SERPINF1: variants seen among roughly 807,000 people sequenced by gnomAD.
SERPINF1 encodes pigment epithelium-derived factor.
A neutral mutation model predicts 37.3 loss-of-function variants in SERPINF1; 29 were observed. The observed-to-expected ratio is 0.78, with a 90% CI of 0.58 to 1.06. SERPINF1 has a LOEUF of 1.06. SERPINF1 is among the 50% of genes least tolerant of loss of function. The probability of loss-of-function intolerance (pLI) is 0.00; values close to 1 mark genes in which losing one functional copy is unlikely to be tolerated. For synonymous variants in SERPINF1, 281 were observed against 227.9 expected (o/e 1.23, Z -2.10); for missense variants, 553 against 532.2 (o/e 1.04, Z -0.38).
At chr17:1,771,793 C>G in intron 4 of SERPINF1, 79 bp from the exon 5 acceptor site, 1 of 1,438,442 alleles carries the variant, frequency 7.0e-7, no homozygotes, top group Non-Finnish European at 9.6e-7. Flanking sequence ...TAAACCAGAA[C>G]CCGAGCCTGG....
At chr17:1,777,144 G>GGGAAGGCA (rs1908087226) in intron 7 of SERPINF1, 43 bp from the exon 8 acceptor site, 2 of 1,613,728 alleles carry the variant, frequency 1.2e-6, no homozygotes, top group African/African-American at 2.7e-5. Context: ...TGGGGTGTTG[G>GGGAAGGCA]GGAAGGCAGG....
intron 1 of SERPINF1, 174 bp from the exon 2 acceptor site, chr17:1,766,729 G>C (rs900216936): frequency 1.6e-6 from 1 of 618,774 alleles, no homozygotes; most frequent in Admixed American, 2.6e-5. Flanking sequence ...GGGCCATCAA[G>C]CTGAGGGTCC....
chr17:1,772,356 T>C (rs1907801416), intron 5 of SERPINF1, among the ~76,000 whole-genome samples: 1 of 152,052 alleles, frequency 6.6e-6, no homozygotes. Context: ...GCTCAGGTGG[T>C]CTGCCCGCCT....
intron 1 of SERPINF1, among the ~76,000 whole-genome samples, chr17:1,764,430 G>T (rs12603486): frequency 6.6e-6 from 1 of 152,092 alleles, no homozygotes; most frequent in African/African-American, 2.4e-5. Flanking sequence ...TCTGTCTTGC[G>T]CTGCAGAAAG....
chr17:1,768,359 A>G (rs1907512542), intron 2 of SERPINF1, among the ~76,000 whole-genome samples: 1 of 139,704 alleles, frequency 7.2e-6, no homozygotes, highest in Non-Finnish European at 1.5e-5. Flanking sequence ...TGAACCCGGG[A>G]GGTGGAGGTT....
chr17:1,763,521 C>T (rs866315524), intron 1 of SERPINF1, among the ~76,000 whole-genome samples: 62 of 152,334 alleles, frequency 4.1e-4, no homozygotes, highest in African/African-American at 1.4e-3. Context: ...CAGCGGTCGC[C>T]TGCTCAGCCC....
Position 1,777,552 on chromosome 17 carries a change from A to G in SERPINF1, c.*106A>G. The G allele has an allele frequency of 7.2e-7, 1 of 1,384,314 alleles. No homozygotes were observed. The highest frequency in any genetic ancestry group is 1.0e-6 in the Non-Finnish European group (1 of 982,206). 85.8% of individuals were successfully genotyped at this position (1,384,314 alleles called of 1,614,324 possible). On this transcript the variant is annotated 3_prime_UTR_variant, in exon 8 of 8. Transcript: ENST00000254722. ...AAGGTTTCAATGCATACAATAAAAGAGCTTTATCCCTAACTTCTGTTACTT... is the reference window on the plus strand; with the variant it reads ...AAGGTTTCAATGCATACAATAAAAGGGCTTTATCCCTAACTTCTGTTACTT...
chr17:1,775,547 C>CTTTTTT (rs148801713), intron 6 of SERPINF1, among the ~76,000 whole-genome samples: 5 of 142,964 alleles, frequency 3.5e-5, no homozygotes, highest in African/African-American at 1.3e-4. Context: ...TCGTTGGCAT[C>CTTTTTT]TTTTTTTTTT....
chr17:1,773,428 T>A (rs1451974923), intron 5 of SERPINF1, among the ~76,000 whole-genome samples: 1 of 152,064 alleles, frequency 6.6e-6, no homozygotes, highest in Non-Finnish European at 1.5e-5. Flanking sequence ...GTATTTTCAG[T>A]AGAGATGGGG....
intron 1 of SERPINF1, among the ~76,000 whole-genome samples, chr17:1,763,595 G>T (rs1050699303): frequency 5.9e-5 from 9 of 152,228 alleles, no homozygotes; most frequent in Admixed American, 5.9e-4. Flanking sequence ...AGACCCCCAC[G>T]CTTGCCCTCT....
chr17:1,769,225 C>T (rs932121893), intron 2 of SERPINF1, among the ~76,000 whole-genome samples: 2 of 150,842 alleles, frequency 1.3e-5, no homozygotes, highest in Admixed American at 6.6e-5. Flanking sequence ...CTGCCTAACA[C>T]GGTGAAACCC....
At chr17:1,773,615 C>T (rs1894286) in intron 5 of SERPINF1, among the ~76,000 whole-genome samples, 16,003 of 152,232 alleles carry the variant, frequency 0.11, 1,387 homozygotes, top group African/African-American at 0.23. Flanking sequence ...ATTTCATAAC[C>T]TTTCTGGGCC....
chr17:1,775,263 G>T lies in SERPINF1; in HGVS notation c.786+63G>T. Reference sequence around the variant, plus strand: ...GGGAGAGGATAGAGAAGCAAAACAGGGTAGTGGGAATAAAATGACCTTTGA... The same window carrying T: ...GGGAGAGGATAGAGAAGCAAAACAGTGTAGTGGGAATAAAATGACCTTTGA... On this transcript the variant is annotated intron_variant, in intron 6 of 7. Transcript: ENST00000254722. 4 of 1,536,346 alleles carry T rather than the reference G, an allele frequency of 2.6e-6. No homozygotes were observed. The East Asian group carries it at 9.1e-5, about 35-fold the overall frequency.
Position 1,771,123 on chromosome 17 carries a change from T to C in SERPINF1, c.378T>C (p.Leu126=). ...TCCATGGTACCTATAAGGAGCTCCT[T>C]GACACGGTCACTGCCCCCCAGAAGA... ...PDIHGTYKEL[L]DTVTAPQKNL... The change falls in exon 4 of 8, where the codon CTT becomes CTC. Residue 126 remains leucine (L), a synonymous_variant. Transcript: ENST00000254722. 6.2e-7 allele frequency: 1 copy of C among 1,614,064 alleles called. No homozygotes were observed. Among genetic ancestry groups the C allele is most frequent in the Non-Finnish European group, 8.5e-7 (1 of 1,179,992 alleles).
In SERPINF1 at chr17:1,771,945, C is replaced by A. The variant is rs751406971; in HGVS notation, c.513C>A (p.Gly171=). 2 of 1,614,020 alleles carry A rather than the reference C, an allele frequency of 1.2e-6. No individual in the cohort carries two copies. The highest frequency in any genetic ancestry group is 1.7e-6 in the Non-Finnish European group (2 of 1,180,010). ...GGACCAGGCCCAGAGTCCTGACGGGCAACCCTCGCTTGGACCTGCAAGAGA... is the reference window on the plus strand; with the variant it reads ...GGACCAGGCCCAGAGTCCTGACGGGAAACCCTCGCTTGGACCTGCAAGAGA... ...SYGTRPRVLT[G]NPRLDLQEIN... is the part of the protein sequence containing the mutation. Residue 171 remains glycine, a synonymous_variant, in exon 5 of 8, where the codon GGC becomes GGA. Transcript: ENST00000254722.
chr17:1,777,509 C>A lies in SERPINF1; in HGVS notation c.*63C>A. 2 of 1,603,854 alleles carry A rather than the reference C, an allele frequency of 1.2e-6. No homozygotes were observed. Among genetic ancestry groups the A allele is most frequent in the Non-Finnish European group, 1.7e-6 (2 of 1,171,942 alleles). ...CCGAGGGACAGCAGATTCCACAGGA[C>A]ACGAAGGCTGCCCCTGTAAGGTTTC... is the stretch of plus-strand genomic sequence containing the variant. On this transcript the variant is annotated 3_prime_UTR_variant, in exon 8 of 8. Coordinates refer to ENST00000254722, the MANE Select transcript of SERPINF1 (RefSeq NM_002615.7).
Position 1,777,475 on chromosome 17 carries a change from G to T in SERPINF1, c.*29G>T. 6.8e-6 allele frequency: 11 copies of T among 1,613,764 alleles called. No individual in the cohort carries two copies. The highest frequency in any genetic ancestry group is 9.3e-6 in the Non-Finnish European group (11 of 1,180,022). On this transcript the variant is annotated 3_prime_UTR_variant, in exon 8 of 8. Transcript: ENST00000254722. ...CCCAGTTTAATATTCCAATACCCTA[G>T]AAGAAAACCCGAGGGACAGCAGATT...
At chr17:1,765,858 T>C (rs1907337655) in intron 1 of SERPINF1, among the ~76,000 whole-genome samples, 1 of 124,232 alleles carries the variant, frequency 8.0e-6, no homozygotes, top group Non-Finnish European at 1.6e-5. Flanking sequence ...CACAGCAAGA[T>C]CTTGTCTCCC....
Position 1,767,093 on chromosome 17 carries a change from C to T in SERPINF1, c.84+99C>T, listed in dbSNP as rs1430730989. ...AGGGAACCCGGACCCAGGTTCCAGGCCAGGCTTGGGCCTTTATTTCTCTAG... is the reference window on the plus strand; with the variant it reads ...AGGGAACCCGGACCCAGGTTCCAGGTCAGGCTTGGGCCTTTATTTCTCTAG... On this transcript the variant is annotated intron_variant, in intron 2 of 7. Coordinates refer to ENST00000254722, the MANE Select transcript of SERPINF1 (RefSeq NM_002615.7). The T allele has an allele frequency of 4.8e-6, 5 of 1,049,322 alleles. No individual in the cohort carries two copies. The South Asian group carries it at 7.6e-5, about 16-fold the overall frequency. The allele number at this position is 1,049,322 out of a possible 1,614,324, so 65.0% of individuals were successfully genotyped here.
Sources: gnomAD v4.1 joint callset for allele counts (sites outside exome capture counted in the v4.1 genomes callset) on GRCh38, gnomAD v4.1.1 for gene constraint, MANE v1.5 for transcripts, NCBI Gene and HGNC (gene_info 2026-07-23, HGNC 2026-07-21) for gene names.